Variants in PATJ observed in about 807,000 individuals in gnomAD.
PATJ encodes PATJ crumbs cell polarity complex component.
Under a neutral mutation model 224.9 loss-of-function variants are expected in PATJ, and 190 were observed. The observed-to-expected ratio is 0.84, with a 90% confidence interval of 0.75 to 0.95. PATJ has a LOEUF of 0.95. Ranked by LOEUF, PATJ falls within the 40% of genes least tolerant of loss-of-function variation. PATJ has a pLI of 0.00. For missense variants in PATJ, 2,121 were observed against 2,270.3 expected (o/e 0.93, Z 1.34); for synonymous variants, 769 against 820.3 (o/e 0.94, Z 1.07).
intron 43 of PATJ, among the ~76,000 whole-genome samples, chr1:62,155,589 G>A (rs574184510): frequency 1.4e-3 from 219 of 151,390 alleles, no homozygotes; most frequent in Middle Eastern, 0.01. Context: ...CCTTTAGGAA[G>A]CACCCATAGA....
intron 42 of PATJ, 105 bp downstream of exon 42, chr1:62,148,495 C>A: frequency 1.3e-6 from 1 of 770,370 alleles, no homozygotes; most frequent in East Asian, 2.5e-5. Flanking sequence ...CCAAAGCGCC[C>A]GTGACTTTTT....
At chr1:62,013,804 T>G (rs1264734340) in intron 28 of PATJ, among the ~76,000 whole-genome samples, 1 of 152,118 alleles carries the variant, frequency 6.6e-6, no homozygotes, top group Non-Finnish European at 1.5e-5. Flanking sequence ...GACAGAGTCT[T>G]GCTCTGTTGC....
intron 30 of PATJ, among the ~76,000 whole-genome samples, chr1:62,041,769 G>A (rs760030874): frequency 1.3e-5 from 2 of 152,092 alleles, no homozygotes; most frequent in East Asian, 1.9e-4. Context: ...GGTGGCTCAC[G>A]CCTGTAATCC....
chr1:62,143,438 A>ATTTTTTTTTTTTT (rs34127211), intron 41 of PATJ, among the ~76,000 whole-genome samples: 2 of 74,310 alleles, frequency 2.7e-5, no homozygotes, highest in African/African-American at 1.2e-4. Flanking sequence ...TAAGCTGGGA[A>ATTTTTTTTTTTTT]TTTTTTTTTT....
chr1:61,792,133 A>T (rs893502556), intron 9 of PATJ, among the ~76,000 whole-genome samples: 4 of 152,246 alleles, frequency 2.6e-5, no homozygotes, highest in African/African-American at 9.6e-5. Context: ...CCTTAAAAAA[A>T]AATTGTTATT....
intron 18 of PATJ, among the ~76,000 whole-genome samples, chr1:61,858,594 T>C (rs773873203): frequency 7.6e-4 from 116 of 152,068 alleles, no homozygotes; most frequent in Non-Finnish European, 5.0e-4. Context: ...CAGGATCACA[T>C]GAGTACTCAT....
rs546682670 is a variant in PATJ, at chr1:61,748,998, T to C, written c.-36+6443T>C. Among the ~76,000 whole-genome samples the C allele has an allele frequency of 3.0e-4, 46 of 152,244 alleles. No individual in the cohort carries two copies. The South Asian group carries it at 9.1e-3, about 30-fold the overall frequency. On this transcript the variant is annotated intron_variant, in intron 1 of 43. Transcript: ENST00000642238. ...TGAAGTAATTTTTTTTTTCTTTTTTTTCTCCTGAGATGGAGTTGCCCAGGC... is the reference window on the plus strand; with the variant it reads ...TGAAGTAATTTTTTTTTTCTTTTTTCTCTCCTGAGATGGAGTTGCCCAGGC...
intron 31 of PATJ, among the ~76,000 whole-genome samples, chr1:62,060,981 C>T (rs553720597): frequency 4.0e-4 from 61 of 152,108 alleles, no homozygotes; most frequent in African/African-American, 1.3e-3. Context: ...AGTGAGCCAC[C>T]ACGCCCAGCC....
intron 16 of PATJ, among the ~76,000 whole-genome samples, chr1:61,828,751 C>G (rs1052988318): frequency 2.0e-5 from 3 of 152,160 alleles, no homozygotes; most frequent in African/African-American, 7.2e-5. Flanking sequence ...ATCTTTTATG[C>G]TACTTTCCCC....
intron 20 of PATJ, among the ~76,000 whole-genome samples, chr1:61,866,596 C>A (rs1386994243): frequency 6.6e-6 from 1 of 151,814 alleles, no homozygotes; most frequent in Non-Finnish European, 1.5e-5. Context: ...AAATTTTATT[C>A]TTATCTCAAG....
rs578103395 is a variant in PATJ at position 61,908,266 on chromosome 1, A to C, written c.3382-106A>C. On this transcript the variant is annotated intron_variant, in intron 24 of 43. Coordinates refer to ENST00000642238, the MANE Select transcript of PATJ (RefSeq NM_001350145.3). ...ATTTTTTTCTGACCGTCTACTCATT[A>C]GACTCTGGTTGTTCTTATAACTAGA... 7 of 729,900 alleles carry C rather than the reference A, an allele frequency of 9.6e-6. No individual in the cohort carries two copies. In the African/African-American group the frequency reaches 1.3e-4, roughly 13 times the overall value. The allele number at this position is 729,900 out of a possible 1,614,324, so 45.2% of individuals were successfully genotyped here.
chr1:61,875,139 C>A lies in PATJ; in HGVS notation c.2836-104C>A, dbSNP rs573896702. 9.1e-6 allele frequency: 6 copies of A among 658,642 alleles called. No homozygotes were observed. The South Asian group carries it at 1.1e-4, about 12-fold the overall frequency. 40.8% of individuals were successfully genotyped at this position (658,642 alleles called of 1,614,324 possible). On this transcript the variant is annotated intron_variant, in intron 20 of 43. Transcript: ENST00000642238. Reference sequence around the variant, plus strand: ...ACCATTACTTGAGAATGCCTGTTTGCAAGGCCAGTTTTCCACTATCATTAT... The same window carrying A: ...ACCATTACTTGAGAATGCCTGTTTGAAAGGCCAGTTTTCCACTATCATTAT...
At chr1:61,822,884 G>C in intron 14 of PATJ, 61 bp from the exon 15 acceptor site, 1 of 1,599,670 alleles carries the variant, frequency 6.3e-7, no homozygotes, top group South Asian at 1.1e-5. Context: ...GCACTGGATG[G>C]AGGATGAATA....
chr1:61,816,704 C>T (rs1656174329), intron 14 of PATJ, among the ~76,000 whole-genome samples: 1 of 152,080 alleles, frequency 6.6e-6, no homozygotes, highest in Non-Finnish European at 1.5e-5. Flanking sequence ...TCTCCCACCC[C>T]AGTCCTCTCA....
At chr1:61,908,957 G>A (rs958354022) in intron 25 of PATJ, among the ~76,000 whole-genome samples, 10 of 152,150 alleles carry the variant, frequency 6.6e-5, no homozygotes, top group Non-Finnish European at 2.9e-5. Flanking sequence ...TGTAAAAACA[G>A]CAATATTTAA....
intron 8 of PATJ, among the ~76,000 whole-genome samples, chr1:61,789,342 CAA>C (rs577753647): frequency 6.7e-6 from 1 of 149,612 alleles, no homozygotes; most frequent in Non-Finnish European, 1.5e-5. Flanking sequence ...ACAAAACAGA[CAA>C]AAAAAAACTG....
At chr1:61,876,181 A>G (rs1667307340) in intron 21 of PATJ, among the ~76,000 whole-genome samples, 2 of 152,202 alleles carry the variant, frequency 1.3e-5, no homozygotes, top group South Asian at 4.1e-4. Context: ...TAAAAAATGG[A>G]ATACTTAAGG....
rs943963223 is a variant in PATJ, at chr1:61,780,651, G to A, written c.849+5317G>A. ...GCAATTTTAATAGGTTTGTTTGTTG[G>A]AGTGGCATTTTTTTTTTTCCAAAAT... On this transcript the variant is annotated intron_variant, in intron 7 of 43. Coordinates refer to ENST00000642238, the MANE Select transcript of PATJ (RefSeq NM_001350145.3). 3.4e-5 allele frequency among the ~76,000 whole-genome samples: 5 copies of A among 148,732 alleles called. No individual in the cohort carries two copies. The East Asian group carries it at 6.0e-4, about 18-fold the overall frequency.
chr1:61,787,772 G>A lies in PATJ; in HGVS notation c.868G>A (p.Gly290Arg), dbSNP rs1648871510. 3 of 1,613,720 alleles carry A rather than the reference G, an allele frequency of 1.9e-6. No individual in the cohort carries two copies. Among genetic ancestry groups the A allele is most frequent in the South Asian group, 2.2e-5 (2 of 91,078 alleles). The change falls in exon 8 of 44, where the codon GGG becomes AGG. Residue 290 changes from glycine (G) to arginine (R), a missense_variant. Transcript: ENST00000642238. ...CTTGAAGGATGGAAGACTCCAGACA[G>A]GGGACCACATCTTGAAGATTGGTGG... ...LADRDGRLQT[G>R]DHILKIGGTN...
Sources: gnomAD v4.1 joint callset for allele counts (sites outside exome capture counted in the v4.1 genomes callset) on GRCh38, gnomAD v4.1.1 for gene constraint, MANE v1.5 for transcripts, NCBI Gene and HGNC (gene_info 2026-07-23, HGNC 2026-07-21) for gene names.